Variants in SCML4 observed in about 807,000 individuals in gnomAD.
The protein encoded by SCML4 is Scm polycomb group protein like 4, also known as sex comb on midleg-like protein 4.
In SCML4, 34 loss-of-function variants were observed where a neutral mutation model predicts 41.1. The observed-to-expected ratio is 0.83, with a 90% CI of 0.63 to 1.10. The LOEUF (loss-of-function observed/expected upper bound fraction) is 1.10, where lower values mean the gene tolerates loss of function less well. Ranked by LOEUF, SCML4 falls within the 50% of genes least tolerant of loss-of-function variation. The pLI is 0.00. For synonymous variants in SCML4, 214 were observed against 220.9 expected (o/e 0.97, Z 0.28); for missense variants, 522 against 534.1 (o/e 0.98, Z 0.22).
intron 5 of SCML4, among the ~76,000 whole-genome samples, chr6:107,742,895 G>A (rs551676336): frequency 6.6e-6 from 1 of 152,088 alleles, no homozygotes; most frequent in South Asian, 2.1e-4. Flanking sequence ...CTCTAATACT[G>A]TAATTGCTGT....
intron 5 of SCML4, among the ~76,000 whole-genome samples, chr6:107,731,744 T>A (rs111613739): frequency 6.6e-6 from 1 of 152,248 alleles, no homozygotes; most frequent in South Asian, 2.1e-4. Flanking sequence ...CAGAGATTCC[T>A]AGCCCTGAAA....
At chr6:107,789,463 TGCAGACAGC>T (rs1782152127) in intron 1 of SCML4, among the ~76,000 whole-genome samples, 1 of 152,180 alleles carries the variant, frequency 6.6e-6, no homozygotes, top group Non-Finnish European at 1.5e-5. Context: ...TGTTGTGGTG[TGCAGACAGC>T]GCACGGCTGA....
chr6:107,734,961 C>T (rs1379955820), intron 5 of SCML4, among the ~76,000 whole-genome samples: 2 of 152,140 alleles, frequency 1.3e-5, no homozygotes, highest in Admixed American at 1.3e-4. Context: ...CAGCAACCTC[C>T]ACCTCCTGGG....
chr6:107,801,765 G>A (rs1783147088), intron 1 of SCML4, among the ~76,000 whole-genome samples: 1 of 151,830 alleles, frequency 6.6e-6, no homozygotes, highest in Admixed American at 6.6e-5. Flanking sequence ...TTTGACTACA[G>A]TCTTCATTAT....
chr6:107,815,099 C>G (rs1043494313), intron 1 of SCML4, among the ~76,000 whole-genome samples: 4 of 152,138 alleles, frequency 2.6e-5, no homozygotes, highest in African/African-American at 9.7e-5. Context: ...TTTTCTAAGC[C>G]TTAATTAATC....
At chr6:107,773,148 T>G (rs1464215) in intron 1 of SCML4, among the ~76,000 whole-genome samples, 112,717 of 152,066 alleles carry the variant, frequency 0.74, 43,719 homozygotes, top group East Asian at 0.9. Flanking sequence ...TGCAAAAAAT[T>G]TGTATGGTCA....
the SCML4 span, among the ~76,000 whole-genome samples, chr6:107,838,899 G>A: frequency 2.0e-5 from 3 of 152,214 alleles, no homozygotes; most frequent in East Asian, 5.8e-4. Context: ...GGTAGAATGA[G>A]GCATTCAAGA....
chr6:107,762,801 G>A (rs1779705243), intron 2 of SCML4, among the ~76,000 whole-genome samples: 1 of 150,658 alleles, frequency 6.6e-6, no homozygotes, highest in African/African-American at 2.4e-5. Context: ...CCAAAACTCT[G>A]AGACAATAAA....
At chr6:107,725,324 C>T (rs1232783260) in intron 5 of SCML4, among the ~76,000 whole-genome samples, 1 of 151,688 alleles carries the variant, frequency 6.6e-6, no homozygotes, top group Non-Finnish European at 1.5e-5. Context: ...ATCTCTTATG[C>T]GTTGATTTAA....
chr6:107,755,757 T>A, intron 2 of SCML4: 2 of 452,454 alleles, frequency 4.4e-6, no homozygotes, highest in Non-Finnish European at 6.6e-6. Context: ...CATTCTTCAA[T>A]GTAAGGAAAA....
chr6:107,810,470 A>G (rs1784075765), intron 1 of SCML4, among the ~76,000 whole-genome samples: 1 of 152,168 alleles, frequency 6.6e-6, no homozygotes, highest in South Asian at 2.1e-4. Flanking sequence ...AGGAAGAGAT[A>G]GGTGGAGATT....
the SCML4 span, among the ~76,000 whole-genome samples, chr6:107,829,877 C>T: frequency 6.6e-6 from 1 of 152,168 alleles, no homozygotes; most frequent in East Asian, 1.9e-4. Context: ...TAATGGCTCT[C>T]ATAAATGTTA....
chr6:107,784,254 G>T (rs1781715089), intron 1 of SCML4, among the ~76,000 whole-genome samples: 2 of 152,118 alleles, frequency 1.3e-5, no homozygotes, highest in South Asian at 4.1e-4. Context: ...TCTCTCTGTG[G>T]CCACACCTGG....
intron 2 of SCML4, among the ~76,000 whole-genome samples, chr6:107,767,123 A>G (rs955502146): frequency 6.6e-6 from 1 of 151,882 alleles, no homozygotes; most frequent in Non-Finnish European, 1.5e-5. Flanking sequence ...ATGCCCAGCT[A>G]GTTTTTGTAT....
At chr6:107,754,664 G>T (rs1778957819) in intron 2 of SCML4, among the ~76,000 whole-genome samples, 1 of 152,200 alleles carries the variant, frequency 6.6e-6, no homozygotes, top group African/African-American at 2.4e-5. Context: ...TTTTCCTCTT[G>T]TCTTTAAGCA....
intron 1 of SCML4, among the ~76,000 whole-genome samples, chr6:107,802,989 G>A (rs1436453061): frequency 2.6e-5 from 4 of 151,388 alleles, no homozygotes; most frequent in South Asian, 2.1e-4. Context: ...CGAGTGATCC[G>A]CCAGCCTCGG....
chr6:107,813,431 T>G (rs1784351689), intron 1 of SCML4, among the ~76,000 whole-genome samples: 1 of 119,094 alleles, frequency 8.4e-6, no homozygotes, highest in African/African-American at 3.1e-5. Context: ...TATAAAACTG[T>G]AAAATTAAAT....
At chr6:107,745,993 A>AAAAT (rs36131534) in intron 4 of SCML4, 22,832 of 148,676 alleles carry the variant, frequency 0.15, 1,887 homozygotes, top group African/African-American at 0.21. Context: ...ATCCTGTCTC[A>AAAAT]AAATAAATAA....
At chr6:107,757,401 C>A (rs1478549325) in intron 2 of SCML4, among the ~76,000 whole-genome samples, 1 of 152,128 alleles carries the variant, frequency 6.6e-6, no homozygotes, top group Non-Finnish European at 1.5e-5. Flanking sequence ...GTTTGACAGA[C>A]TGGTAGCAAG....
Sources: gnomAD v4.1 joint callset for allele counts (sites outside exome capture counted in the v4.1 genomes callset) on GRCh38, gnomAD v4.1.1 for gene constraint, MANE v1.5 for transcripts, NCBI Gene and HGNC (gene_info 2026-07-23, HGNC 2026-07-21) for gene names.